ARAP2: variants seen among roughly 807,000 people sequenced by gnomAD.
The protein encoded by ARAP2 is ArfGAP with RhoGAP domain, ankyrin repeat and PH domain 2.
ARAP2 carries 148 observed loss-of-function variants against 194.5 expected under a neutral mutation model. That is an observed-to-expected ratio of 0.76 (90% CI 0.67 to 0.87). ARAP2 has a LOEUF of 0.87. Among genes scored for constraint, ARAP2 ranks in the 40% least tolerant of loss-of-function variants. ARAP2 has a pLI of 0.00. For missense variants in ARAP2, 2,128 were observed against 1,989.7 expected (o/e 1.07, Z -1.32); for synonymous variants, 695 against 683.5 (o/e 1.02, Z -0.26).
chr4:36,079,784 G>C (rs993606512), intron 31 of ARAP2, among the ~76,000 whole-genome samples: 3 of 152,166 alleles, frequency 2.0e-5, no homozygotes, highest in Admixed American at 2.0e-4. Flanking sequence ...GCACACAATA[G>C]TTATTAAAGA....
intron 2 of ARAP2, among the ~76,000 whole-genome samples, chr4:36,056,535 C>A (rs1723542438): frequency 6.6e-6 from 1 of 152,144 alleles, no homozygotes; most frequent in Non-Finnish European, 1.5e-5. Flanking sequence ...TTACTTTCAA[C>A]ATATGTCTAT....
At chr4:36,025,405 T>C (rs956603974) in intron 5 of ARAP2, among the ~76,000 whole-genome samples, 9 of 152,212 alleles carry the variant, frequency 5.9e-5, no homozygotes, top group African/African-American at 2.2e-4. Context: ...CCAATTAGGA[T>C]GTGAAACCTG....
chr4:36,014,452 G>A (rs1190001802), intron 8 of ARAP2, among the ~76,000 whole-genome samples: 1 of 151,902 alleles, frequency 6.6e-6, no homozygotes, highest in East Asian at 1.9e-4. Context: ...CACAAAACAA[G>A]GAAAAGAAAT....
intron 27 of ARAP2, among the ~76,000 whole-genome samples, chr4:36,106,336 G>C (rs745686340): frequency 5.3e-5 from 8 of 151,844 alleles, no homozygotes; most frequent in Non-Finnish European, 8.8e-5. Flanking sequence ...TAAAGGTCTC[G>C]GAAAGGCTAC....
chr4:36,104,168 G>C (rs2109447502), intron 27 of ARAP2, among the ~76,000 whole-genome samples: 1 of 150,730 alleles, frequency 6.6e-6, no homozygotes, highest in South Asian at 2.1e-4. Context: ...TTGTTACTGA[G>C]AAAAAATGTG....
intron 26 of ARAP2, among the ~76,000 whole-genome samples, chr4:36,109,199 A>G (rs964867143): frequency 6.6e-6 from 1 of 151,906 alleles, no homozygotes; most frequent in Admixed American, 6.6e-5. Context: ...AAATTACCAG[A>G]TGTTTGCTTC....
At chr4:36,135,515 C>G (rs965106476) in intron 19 of ARAP2, among the ~76,000 whole-genome samples, 1 of 151,784 alleles carries the variant, frequency 6.6e-6, no homozygotes, top group Non-Finnish European at 1.5e-5. Context: ...CACAACACTA[C>G]AGCAGTCCTG....
chr4:36,014,332 A>AAGAGAGAG (rs1560265244), intron 8 of ARAP2, among the ~76,000 whole-genome samples: 5 of 58,834 alleles, frequency 8.5e-5, no homozygotes, highest in African/African-American at 2.9e-4. Context: ...GAGAGAAAGA[A>AAGAGAGAG]AGAAAGAAAG....
In ARAP2 at chr4:36,228,561, G is replaced by C. The variant is rs755131001; in HGVS notation, c.905+21C>G. 4 of 1,541,152 alleles carry C rather than the reference G, an allele frequency of 2.6e-6. No individual in the cohort carries two copies. The South Asian group carries it at 5.0e-5, about 19-fold the overall frequency. ...AATTTCCTCAAATTGAATATTTACAGCTTATTGTAAAGATTCTTACCTCCC... is the reference window on the plus strand; with the variant it reads ...AATTTCCTCAAATTGAATATTTACACCTTATTGTAAAGATTCTTACCTCCC... On this transcript the variant is annotated intron_variant, in intron 2 of 32. Transcript: ENST00000303965.
chr4:36,139,104 CATTTT>C (rs61557861), intron 19 of ARAP2, among the ~76,000 whole-genome samples: 49,790 of 151,098 alleles, frequency 0.33, 8,907 homozygotes, highest in Non-Finnish European at 0.42. Flanking sequence ...TGTATGATTT[CATTTT>C]ATTAACCATG....
intron 19 of ARAP2, among the ~76,000 whole-genome samples, chr4:36,146,100 A>G (rs1199109512): frequency 6.6e-6 from 1 of 152,036 alleles, no homozygotes; most frequent in Non-Finnish European, 1.5e-5. Context: ...AAACAGCACC[A>G]TAATTCAGTA....
At chr4:36,240,282 G>A (rs1753267677) in intron 1 of ARAP2, among the ~76,000 whole-genome samples, 1 of 152,104 alleles carries the variant, frequency 6.6e-6, no homozygotes, top group Non-Finnish European at 1.5e-5. Context: ...TGGTTTGAAT[G>A]GAATTCTTCG....
intron 5 of ARAP2, among the ~76,000 whole-genome samples, chr4:36,031,306 C>T (rs1413551216): frequency 6.6e-6 from 1 of 152,138 alleles, no homozygotes; most frequent in African/African-American, 2.4e-5. Context: ...TCCTTGTATA[C>T]AACCATTCCC....
chr4:36,160,727 A>C, intron 12 of ARAP2, 86 bp from the exon 13 acceptor site: 1 of 1,121,212 alleles, frequency 8.9e-7, no homozygotes, highest in Non-Finnish European at 1.2e-6. Flanking sequence ...ATTACAAATT[A>C]AAGCATAACT....
chr4:36,144,539 T>C (rs914686415), intron 19 of ARAP2, among the ~76,000 whole-genome samples: 12 of 151,606 alleles, frequency 7.9e-5, no homozygotes, highest in Admixed American at 4.6e-4. Flanking sequence ...AAGAAATAAG[T>C]AAAAATGCAA....
At chr4:36,092,140 T>A in intron 27 of ARAP2, 120 bp from the exon 28 acceptor site, 1 of 1,176,052 alleles carries the variant, frequency 8.5e-7, no homozygotes, top group Non-Finnish European at 1.2e-6. Context: ...ACCGCTAAAG[T>A]CTAAGGTGAA....
chr4:36,164,897 A>C lies in ARAP2; in HGVS notation c.2173+17T>G, dbSNP rs1734917762. On this transcript the variant is annotated intron_variant, in intron 11 of 32. Transcript: ENST00000303965. ...TCTGCCACAAAGCTGTGATGAGCAT[A>C]ACTTGTCACTAATTACCTGCACACT... 2.5e-6 allele frequency: 4 copies of C among 1,612,002 alleles called. No homozygotes were observed. The highest frequency in any genetic ancestry group is 3.4e-6 in the Non-Finnish European group (4 of 1,178,282).
intron 9 of ARAP2, among the ~76,000 whole-genome samples, chr4:36,011,484 G>A (rs2109310046): frequency 6.6e-6 from 1 of 152,240 alleles, no homozygotes; most frequent in Non-Finnish European, 1.5e-5. Flanking sequence ...TGAAAGTCTA[G>A]CTCACATCTT....
At chr4:36,044,036 T>C (rs2109234282) in intron 5 of ARAP2, among the ~76,000 whole-genome samples, 1 of 152,164 alleles carries the variant, frequency 6.6e-6, no homozygotes, top group South Asian at 2.1e-4. Flanking sequence ...ACTCAGGAAA[T>C]GCGCACCAGT....
Sources: allele counts gnomAD v4.1 joint callset (sites outside exome capture counted in the v4.1 genomes callset), GRCh38; gene constraint gnomAD v4.1.1; transcripts MANE v1.5; gene names NCBI Gene and HGNC (gene_info 2026-07-23, HGNC 2026-07-21).